The following YWHAE variants were observed in gnomAD, a reference collection of about 807,000 sequenced individuals.
YWHAE encodes 14-3-3 protein epsilon.
In YWHAE, 4 loss-of-function variants were observed where a neutral mutation model predicts 30.1. That is an observed-to-expected ratio of 0.13 (90% confidence interval 0.07 to 0.30). The LOEUF (loss-of-function observed/expected upper bound fraction) is 0.30. Ranked by LOEUF, YWHAE falls within the 10% of genes least tolerant of loss-of-function variation. The probability of loss-of-function intolerance (pLI) is 1.00; values close to 1 mark genes in which losing one functional copy is unlikely to be tolerated. For missense variants in YWHAE, 121 were observed against 315.9 expected (o/e 0.38, Z 4.68); for synonymous variants, 118 against 111.8 (o/e 1.06, Z -0.35).
intron 2 of YWHAE, among the ~76,000 whole-genome samples, chr17:1,364,113 A>G (rs1004410295): frequency 2.6e-5 from 4 of 152,210 alleles, no homozygotes; most frequent in African/African-American, 9.6e-5. Flanking sequence ...CTACAATAAG[A>G]AACATTTTAT....
At chr17:1,376,392 AAGAG>A (rs374019687) in intron 1 of YWHAE, among the ~76,000 whole-genome samples, 41 of 72,056 alleles carry the variant, frequency 5.7e-4, no homozygotes, top group Admixed American at 1.2e-3. Flanking sequence ...AAGAAAAAGA[AAGAG>A]AGAGAAAGAA....
intron 5 of YWHAE, among the ~76,000 whole-genome samples, chr17:1,353,032 C>T (rs552550983): frequency 3.9e-5 from 6 of 152,142 alleles, no homozygotes; most frequent in Non-Finnish European, 7.4e-5. Flanking sequence ...CCTTTAAAAT[C>T]AACAAACATA....
intron 1 of YWHAE, among the ~76,000 whole-genome samples, chr17:1,370,355 T>A (rs1327277488): frequency 1.3e-5 from 2 of 151,598 alleles, no homozygotes; most frequent in East Asian, 2.0e-4. Context: ...ACGGTCTCGA[T>A]CTCCTGACCT....
rs12604036 is a variant in YWHAE, at chr17:1,398,516, C to G, written c.64+1531G>C. On this transcript the variant is annotated intron_variant, in intron 1 of 5. Transcript: ENST00000264335. The stretch of plus-strand genomic sequence containing the variant: ...CTGAGGTTATTCACATGACTAAATC[C>G]GCATTTCGAGGAAAGCAAGGGCCCT... 1.4e-3 allele frequency among the ~76,000 whole-genome samples: 210 copies of G among 152,056 alleles called. 4 individuals are homozygous for G. The East Asian group carries it at 0.031, about 23-fold the overall frequency.
intron 1 of YWHAE, among the ~76,000 whole-genome samples, chr17:1,386,904 A>C (rs574613146): frequency 6.4e-4 from 97 of 152,322 alleles, no homozygotes; most frequent in Non-Finnish European, 1.2e-3. Context: ...CAGTGAGCCA[A>C]GATCGCGCCA....
intron 4 of YWHAE, among the ~76,000 whole-genome samples, chr17:1,355,647 G>A (rs1217973396): frequency 2.0e-5 from 3 of 151,810 alleles, no homozygotes; most frequent in African/African-American, 4.8e-5. Flanking sequence ...TCCAACAAAC[G>A]ATACGATATA....
chr17:1,361,771 C>A, intron 3 of YWHAE, 131 bp downstream of exon 3: 2 of 587,208 alleles, frequency 3.4e-6, no homozygotes, highest in Non-Finnish European at 5.8e-6. Flanking sequence ...CTTTTCATTA[C>A]AATATTAACT....
intron 1 of YWHAE, among the ~76,000 whole-genome samples, chr17:1,380,251 A>C (rs1204699290): frequency 2.6e-5 from 4 of 151,808 alleles, no homozygotes; most frequent in Non-Finnish European, 5.9e-5. Flanking sequence ...AGCTGGGATT[A>C]CAGGCGCACA....
At chr17:1,361,585 C>G in intron 3 of YWHAE, 1 of 428,050 alleles carries the variant, frequency 2.3e-6, no homozygotes, top group East Asian at 3.8e-5. Flanking sequence ...ATTAAACAAG[C>G]AAGTGGTTCC....
chr17:1,361,838 A>G (rs988601606), intron 3 of YWHAE, 64 bp downstream of exon 3: 4 of 1,094,364 alleles, frequency 3.7e-6, no homozygotes, highest in African/African-American at 1.6e-5. Context: ...TACATAGAAC[A>G]AAGTTATGGT....
In YWHAE at chr17:1,360,973, C is replaced by T; in HGVS notation, c.578+119G>A. 4 of 908,024 alleles carry T rather than the reference C, an allele frequency of 4.4e-6. No individual in the cohort carries two copies. In the South Asian group the frequency reaches 6.5e-5, roughly 15 times the overall value. The allele number at this position is 908,024 out of a possible 1,614,324, so 56.2% of individuals were successfully genotyped here. A position where few individuals can be genotyped will look rare whatever the true frequency, so the allele number is the denominator to read the frequency against. ...TATCCAAAGTAGTTTCAGTAAGAGCCAAAAGAATTACTATGCAGCCAAGTC... is the reference window on the plus strand; with the variant it reads ...TATCCAAAGTAGTTTCAGTAAGAGCTAAAAGAATTACTATGCAGCCAAGTC... On this transcript the variant is annotated intron_variant, in intron 4 of 5. Transcript: ENST00000264335.
chr17:1,391,574 T>C (rs536830811), intron 1 of YWHAE, among the ~76,000 whole-genome samples: 74 of 152,328 alleles, frequency 4.9e-4, no homozygotes, highest in African/African-American at 1.7e-3. Context: ...TAAATTTAAA[T>C]GAACATCTGA....
intron 2 of YWHAE, among the ~76,000 whole-genome samples, chr17:1,363,292 C>T (rs967507054): frequency 6.6e-6 from 1 of 151,934 alleles, no homozygotes; most frequent in African/African-American, 2.4e-5. Context: ...TCAGAGTTTC[C>T]CTCTTGTTGC....
intron 1 of YWHAE, among the ~76,000 whole-genome samples, chr17:1,378,179 C>T (rs1326594439): frequency 6.6e-6 from 1 of 152,198 alleles, no homozygotes; most frequent in South Asian, 2.1e-4. Flanking sequence ...GGAGTCATCA[C>T]AGAAAATGTA....
At chr17:1,358,933 G>A (rs147541600) in intron 4 of YWHAE, among the ~76,000 whole-genome samples, 6,785 of 150,822 alleles carry the variant, frequency 0.045, 163 homozygotes, top group East Asian at 0.052. Context: ...TCAGGAGTTC[G>A]AGACTAGCCT....
Position 1,377,339 on chromosome 17 carries a change from T to C in YWHAE, c.65-12281A>G, listed in dbSNP as rs559275224. Among the ~76,000 whole-genome samples, 30 of 152,286 alleles carry C rather than the reference T, an allele frequency of 2.0e-4. 1 individual carries two copies. The highest frequency in any genetic ancestry group is 3.4e-3 in the Middle Eastern group (1 of 294). On this transcript the variant is annotated intron_variant, in intron 1 of 5. Coordinates refer to ENST00000264335, the MANE Select transcript of YWHAE (RefSeq NM_006761.5). ...GAGTCTGAGCTTTTAGCCATCACAC[T>C]TCAATGACTTTGCAACCAGAGTGCT...
At chr17:1,363,207 C>T (rs2072890144) in intron 2 of YWHAE, among the ~76,000 whole-genome samples, 1 of 152,134 alleles carries the variant, frequency 6.6e-6, no homozygotes, top group Non-Finnish European at 1.5e-5. Context: ...TTCAGTTCCT[C>T]TTCTCTTATT....
chr17:1,357,694 G>A (rs2072777082), intron 4 of YWHAE, among the ~76,000 whole-genome samples: 2 of 152,118 alleles, frequency 1.3e-5, no homozygotes, highest in African/African-American at 2.4e-5. Flanking sequence ...GGGAGGCCGA[G>A]GTGGCTGGAT....
intron 1 of YWHAE, chr17:1,399,843 A>G (rs2073539540): frequency 7.4e-6 from 4 of 536,932 alleles, no homozygotes; most frequent in East Asian, 7.8e-5. Context: ...AGTTGTTTGC[A>G]GTTAAGGACG....
Sources: allele counts gnomAD v4.1 joint callset (sites outside exome capture counted in the v4.1 genomes callset), GRCh38; gene constraint gnomAD v4.1.1; transcripts MANE v1.5; gene names NCBI Gene and HGNC (gene_info 2026-07-23, HGNC 2026-07-21).